STAC: variants seen among roughly 807,000 people sequenced by gnomAD.
The protein encoded by STAC is SH3 and cysteine rich domain.
Under a neutral mutation model 48.8 loss-of-function variants are expected in STAC, and 43 were observed. The ratio of observed to expected loss-of-function variants is 0.88; its 90% CI spans 0.69 to 1.14. The LOEUF is 1.14. Among genes scored for constraint, STAC ranks in the 50% most tolerant of loss-of-function variants. STAC has a pLI of 0.00. For synonymous variants in STAC, 193 were observed against 179.5 expected (o/e 1.07, Z -0.60); for missense variants, 497 against 504.0 (o/e 0.99, Z 0.13).
In STAC at chr3:36,398,320, CAAGAAAGAAAGA is replaced by C. The variant is rs71288102; in HGVS notation, c.111+17605_111+17616del. ...AAAAGAAAGAAAGAAAGAAAGAAAGCAAGAAAGAAAGAAAGAAAGAAAGAAAGAAAGAAAGAA... is the reference window on the plus strand; with the variant it reads ...AAAAGAAAGAAAGAAAGAAAGAAAGCAAGAAAGAAAGAAAGAAAGAAAGAA... On this transcript the variant is annotated intron_variant, in intron 1 of 10. Transcript: ENST00000273183. Among the ~76,000 whole-genome samples the C allele has an allele frequency of 5.5e-3, 451 of 82,224 alleles. 4 individuals are homozygous for C. The highest frequency in any genetic ancestry group is 8.8e-3 in the African/African-American group (184 of 20,982). 53.9% of individuals were successfully genotyped at this position (82,224 alleles called of 152,430 possible). A position where few individuals can be genotyped will look rare whatever the true frequency, so the allele number is the denominator to read the frequency against.
intron 1 of STAC, among the ~76,000 whole-genome samples, chr3:36,406,491 G>A (rs922052056): frequency 9.8e-5 from 15 of 152,296 alleles, no homozygotes; most frequent in Admixed American, 6.5e-4. Flanking sequence ...CATTCACTGC[G>A]AACCTGCAGC....
chr3:36,446,235 T>C (rs968041458), intron 2 of STAC, among the ~76,000 whole-genome samples: 5 of 152,208 alleles, frequency 3.3e-5, no homozygotes, highest in Admixed American at 6.5e-5. Flanking sequence ...TCTTAAGCTA[T>C]CCCTTCCCAG....
At chr3:36,405,511 C>A (rs1025448555) in intron 1 of STAC, among the ~76,000 whole-genome samples, 8 of 152,294 alleles carry the variant, frequency 5.3e-5, no homozygotes, top group Admixed American at 4.6e-4. Context: ...TCTCCTTCAT[C>A]ATCTAGGGCT....
chr3:36,473,986 C>A (rs941588895), intron 2 of STAC, among the ~76,000 whole-genome samples: 1 of 152,160 alleles, frequency 6.6e-6, no homozygotes, highest in Non-Finnish European at 1.5e-5. Flanking sequence ...GCATCTGCAC[C>A]TTTAACTTCT....
chr3:36,411,709 T>G (rs1392103928), intron 1 of STAC, among the ~76,000 whole-genome samples: 1 of 152,180 alleles, frequency 6.6e-6, no homozygotes, highest in African/African-American at 2.4e-5. Context: ...TAATGGAGAT[T>G]AGACCAAGGG....
At chr3:36,514,422 C>T (rs1416795040) in intron 8 of STAC, among the ~76,000 whole-genome samples, 1 of 151,718 alleles carries the variant, frequency 6.6e-6, no homozygotes, top group East Asian at 1.9e-4. Context: ...TGCAGCCTTT[C>T]CTGTTACCCT....
intron 8 of STAC, among the ~76,000 whole-genome samples, chr3:36,525,132 A>AT (rs1300273615): frequency 6.6e-6 from 1 of 151,920 alleles, no homozygotes; most frequent in Non-Finnish European, 1.5e-5. Flanking sequence ...TCTAGTGAGG[A>AT]TTTTATTCAC....
chr3:36,390,221 C>T (rs146257290), intron 1 of STAC, among the ~76,000 whole-genome samples: 1 of 152,134 alleles, frequency 6.6e-6, no homozygotes. Flanking sequence ...TGGTGCACTG[C>T]AAATTCAACT....
At chr3:36,469,837 T>C (rs1416598743) in intron 2 of STAC, among the ~76,000 whole-genome samples, 2 of 152,294 alleles carry the variant, frequency 1.3e-5, no homozygotes, top group Middle Eastern at 3.4e-3. Context: ...CTGAAATTCT[T>C]TCTTGTGCTT....
chr3:36,412,441 T>C (rs931107261), intron 1 of STAC, among the ~76,000 whole-genome samples: 1 of 152,144 alleles, frequency 6.6e-6, no homozygotes, highest in African/African-American at 2.4e-5. Flanking sequence ...AGGTTTTTTT[T>C]TTAAAGGGAA....
At chr3:36,433,298 G>A (rs992309628) in intron 1 of STAC, among the ~76,000 whole-genome samples, 2 of 152,194 alleles carry the variant, frequency 1.3e-5, no homozygotes, top group East Asian at 3.8e-4. Context: ...GGTGCATGGG[G>A]TGCAGGAGGG....
intron 2 of STAC, among the ~76,000 whole-genome samples, chr3:36,455,711 T>C (rs1162952027): frequency 1.3e-5 from 2 of 152,050 alleles, no homozygotes; most frequent in Non-Finnish European, 2.9e-5. Flanking sequence ...GCCGGTAGTA[T>C]AAAATAGGGC....
At chr3:36,514,101 A>C (rs1398738553) in intron 8 of STAC, among the ~76,000 whole-genome samples, 1 of 150,732 alleles carries the variant, frequency 6.6e-6, no homozygotes, top group South Asian at 2.1e-4. Flanking sequence ...AAACTGTCCA[A>C]TGTCCTCCCA....
chr3:36,419,513 G>A (rs530121080), intron 1 of STAC, among the ~76,000 whole-genome samples: 11 of 152,278 alleles, frequency 7.2e-5, no homozygotes, highest in East Asian at 1.9e-4. Context: ...ACCACACAAT[G>A]GGGTAAAGAT....
At chr3:36,461,978 A>T (rs1460555903) in intron 2 of STAC, among the ~76,000 whole-genome samples, 1 of 152,182 alleles carries the variant, frequency 6.6e-6, no homozygotes, top group East Asian at 1.9e-4. Context: ...TATGTGAAAA[A>T]TAGACTTCAA....
Position 36,380,609 on chromosome 3 carries a change from C to A in STAC, c.-35C>A. 6.6e-7 allele frequency: 1 copy of A among 1,505,270 alleles called. No individual in the cohort carries two copies. The highest frequency in any genetic ancestry group is 9.1e-7 in the Non-Finnish European group (1 of 1,103,654). 93.2% of individuals were successfully genotyped at this position (1,505,270 alleles called of 1,614,324 possible). ...GCGCAGGACAGAAGCCTCGCTGTTCCTCCGGGAGCCCAACACCGTTCCCGC... is the reference window on the plus strand; with the variant it reads ...GCGCAGGACAGAAGCCTCGCTGTTCATCCGGGAGCCCAACACCGTTCCCGC... On this transcript the variant is annotated 5_prime_UTR_variant, in exon 1 of 11. Transcript: ENST00000273183.
chr3:36,439,680 A>C (rs935336077), intron 1 of STAC, among the ~76,000 whole-genome samples: 1 of 152,138 alleles, frequency 6.6e-6, no homozygotes, highest in Non-Finnish European at 1.5e-5. Flanking sequence ...GCATCAGTCC[A>C]GTTTATAGCC....
intron 1 of STAC, among the ~76,000 whole-genome samples, chr3:36,419,712 G>GAGGTT (rs545284434): frequency 0.018 from 2,744 of 152,270 alleles, 48 homozygotes; most frequent in Non-Finnish European, 0.025. Context: ...CAGGGAAGAA[G>GAGGTT]AACTGTTTTC....
At chr3:36,509,111 G>T (rs531024971) in intron 8 of STAC, among the ~76,000 whole-genome samples, 2 of 152,252 alleles carry the variant, frequency 1.3e-5, no homozygotes, top group African/African-American at 4.8e-5. Context: ...AGGCATGCCT[G>T]GTGGTGACAG....
Sources: allele counts gnomAD v4.1 joint callset (sites outside exome capture counted in the v4.1 genomes callset), GRCh38; gene constraint gnomAD v4.1.1; transcripts MANE v1.5; gene names NCBI Gene and HGNC (gene_info 2026-07-23, HGNC 2026-07-21).